NHS: variants seen among roughly 807,000 people sequenced by gnomAD.
NHS encodes the protein NHS actin remodeling regulator, also known as actin remodeling regulator NHS.
A neutral mutation model predicts 72.5 loss-of-function variants in NHS; 5 were observed. The ratio of observed to expected loss-of-function variants is 0.07; its 90% CI spans 0.04 to 0.14. NHS has a LOEUF of 0.14. Ranked by LOEUF, NHS falls within the 10% of genes least tolerant of loss-of-function variation. The pLI is 1.00. For missense variants in NHS, 1,072 were observed against 1,355.7 expected (o/e 0.79, Z 3.29); for synonymous variants, 464 against 547.7 (o/e 0.85, Z 2.13).
intron 1 of NHS, among the ~76,000 whole-genome samples, chrX:17,570,996 A>G (rs1414362153): frequency 8.9e-6 from 1 of 112,384 alleles, no homozygotes; most frequent in African/African-American, 3.2e-5. Context: ...ATGTTGAACC[A>G]GCCTTGCATC....
intron 1 of NHS, among the ~76,000 whole-genome samples, chrX:17,411,572 C>T (rs12558919): frequency 0.011 from 1,183 of 111,431 alleles, 50 homozygotes; most frequent in Admixed American, 0.097. Flanking sequence ...CAATCCTTAG[C>T]CTCAAACAGC....
chrX:17,446,165 C>T (rs1398505500), intron 1 of NHS, among the ~76,000 whole-genome samples: 2 of 110,783 alleles, frequency 1.8e-5, no homozygotes, highest in African/African-American at 6.6e-5. Context: ...TAGGTTCCCA[C>T]GCCGCCCCAA....
chrX:17,650,552 G>A (rs891522546), intron 1 of NHS, among the ~76,000 whole-genome samples: 1 of 112,089 alleles, frequency 8.9e-6, no homozygotes, highest in Non-Finnish European at 1.9e-5. Context: ...CCAGCCCCAC[G>A]AGTTCCTCTC....
intron 1 of NHS, chrX:17,635,193 TA>T: frequency 1.6e-6 from 1 of 607,614 alleles, no homozygotes; most frequent in Non-Finnish European, 2.1e-6. Context: ...AGCAAGGCTG[TA>T]AAGAAGTCCC....
chrX:17,479,325 C>A (rs907931032), intron 1 of NHS, among the ~76,000 whole-genome samples: 32 of 112,127 alleles, frequency 2.9e-4, no homozygotes, highest in African/African-American at 1.0e-3. Context: ...TGAGTTGGTT[C>A]CAAGTCTTTG....
At position 17,735,545 on chromosome X, in the gene NHS, C is replaced by G. The variant is rs914599888; in HGVS notation, c.*3081C>G. 4 of 112,543 alleles carry G rather than the reference C, an allele frequency of 3.6e-5. No homozygotes were observed. Among genetic ancestry groups the G allele is most frequent in the Non-Finnish European group, 5.6e-5 (3 of 53,291 alleles). 9.3% of individuals were successfully genotyped at this position (112,543 alleles called of 1,213,427 possible). ...AGTAGAGGACATGGACTAGTTGTAG[C>G]AAACAGAACATGCTGTTTGCTCTTG... On this transcript the variant is annotated 3_prime_UTR_variant, in exon 9 of 9. Transcript: ENST00000676302.
intron 1 of NHS, chrX:17,635,550 A>G: frequency 8.6e-7 from 1 of 1,167,865 alleles, no homozygotes; most frequent in Non-Finnish European, 1.1e-6. Flanking sequence ...CTTAAGGAGC[A>G]GAGCGGGAAT....
chrX:17,612,599 T>C (rs1184989555), intron 1 of NHS, among the ~76,000 whole-genome samples: 1 of 111,931 alleles, frequency 8.9e-6, no homozygotes, highest in East Asian at 2.8e-4. Flanking sequence ...ATAGCAGTCC[T>C]ATAAGGAAGG....
chrX:17,566,689 G>GTT (rs769976244), intron 1 of NHS, among the ~76,000 whole-genome samples: 4 of 102,167 alleles, frequency 3.9e-5, no homozygotes, highest in African/African-American at 1.0e-4. Context: ...GCATTTGTTT[G>GTT]TTTTTTTTTT....
chrX:17,569,771 A>C (rs186584629), intron 1 of NHS, among the ~76,000 whole-genome samples: 88 of 111,978 alleles, frequency 7.9e-4, no homozygotes, highest in African/African-American at 2.7e-3. Flanking sequence ...GGTATTGCCC[A>C]GGTTTTCTTC....
At chrX:17,414,098 C>T (rs2064578092) in intron 1 of NHS, among the ~76,000 whole-genome samples, 1 of 112,480 alleles carries the variant, frequency 8.9e-6, no homozygotes, top group Non-Finnish European at 1.9e-5. Flanking sequence ...CAGGCTACTT[C>T]TTCTGGACAT....
At chrX:17,607,099 G>C (rs1185345179) in intron 1 of NHS, among the ~76,000 whole-genome samples, 1 of 111,186 alleles carries the variant, frequency 9.0e-6, no homozygotes, top group Non-Finnish European at 1.9e-5. Flanking sequence ...GCCCCTCTGA[G>C]TCTCATGATA....
At chrX:17,716,406 T>C (rs1601851103) in intron 3 of NHS, among the ~76,000 whole-genome samples, 3 of 112,382 alleles carry the variant, frequency 2.7e-5, no homozygotes, top group South Asian at 7.4e-4. Context: ...TTTTGGTTTC[T>C]TTGAAGTAGG....
At chrX:17,575,058 A>G (rs2065502582) in intron 1 of NHS, among the ~76,000 whole-genome samples, 2 of 112,407 alleles carry the variant, frequency 1.8e-5, no homozygotes, top group African/African-American at 6.5e-5. Context: ...CTCTGGCACC[A>G]CTGCCTAAAA....
In NHS at chrX:17,726,783, G is replaced by C; in HGVS notation, c.2677G>C (p.Asp893His). The C allele has an allele frequency of 8.3e-7, 1 of 1,211,830 alleles. No homozygotes were observed. Among genetic ancestry groups the C allele is most frequent in the South Asian group, 1.8e-5 (1 of 56,993 alleles). Residue 893 changes from aspartate to histidine, a missense_variant, in exon 7 of 9, where the codon GAT becomes CAT. By Grantham distance (81) the Asp-to-His change is moderately conservative. Transcript: ENST00000676302. Reference protein sequence around the residue: ...HSSREMKLPLDFANTPSRMEN... With the variant: ...HSSREMKLPLHFANTPSRMEN... ...TTCCAGGGAAATGAAGCTGCCTCTT[G>C]ATTTCGCCAACACGCCTTCTCGAAT...
At chrX:17,623,555 G>A (rs943899818) in intron 1 of NHS, among the ~76,000 whole-genome samples, 2 of 111,359 alleles carry the variant, frequency 1.8e-5, no homozygotes, top group Non-Finnish European at 3.8e-5. Context: ...AGGTTGGAGT[G>A]AAGTGCTCGG....
intron 8 of NHS, among the ~76,000 whole-genome samples, chrX:17,729,901 C>T (rs771918743): frequency 8.9e-6 from 1 of 112,339 alleles, no homozygotes; most frequent in South Asian, 3.7e-4. Flanking sequence ...AAGCAGCTTA[C>T]AATCTTTTTC....
chrX:17,701,217 G>C (rs951538625), intron 3 of NHS, among the ~76,000 whole-genome samples: 2 of 111,636 alleles, frequency 1.8e-5, no homozygotes, highest in Non-Finnish European at 3.8e-5. Context: ...GCCTGAGGAC[G>C]TATTTCTCAG....
chrX:17,436,400 C>T (rs1440176577), intron 1 of NHS, among the ~76,000 whole-genome samples: 2 of 110,621 alleles, frequency 1.8e-5, no homozygotes, highest in Non-Finnish European at 3.8e-5. Context: ...TGAGCTCTGT[C>T]GTCTCATGGG....
Sources: gnomAD v4.1 joint callset for allele counts (sites outside exome capture counted in the v4.1 genomes callset) on GRCh38, gnomAD v4.1.1 for gene constraint, MANE v1.5 for transcripts, NCBI Gene and HGNC (gene_info 2026-07-23, HGNC 2026-07-21) for gene names.